Variants in NOSTRIN observed in about 807,000 individuals in gnomAD.
The protein encoded by NOSTRIN is BM247 homolog.
NOSTRIN carries 63 observed loss-of-function variants against 59.0 expected under a neutral mutation model. The observed-to-expected ratio is 1.07, with a 90% CI of 0.87 to 1.32. NOSTRIN has a LOEUF of 1.32. Among genes scored for constraint, NOSTRIN ranks in the 40% most tolerant of loss-of-function variants. The pLI is 0.00. For missense variants in NOSTRIN, 512 were observed against 473.1 expected (o/e 1.08, Z -0.76); for synonymous variants, 200 against 165.4 (o/e 1.21, Z -1.61).
At chr2:168,857,053 G>A (rs766314242) in intron 12 of NOSTRIN, among the ~76,000 whole-genome samples, 7 of 152,138 alleles carry the variant, frequency 4.6e-5, no homozygotes, top group Non-Finnish European at 1.0e-4. Flanking sequence ...TAGAAACCAT[G>A]TGCACTTTAA....
At position 168,828,349 on chromosome 2, in the gene NOSTRIN, C is replaced by T. The variant is rs1041096340; in HGVS notation, c.261-71C>T. Reference sequence around the variant, plus strand: ...TCCATAACACACTATTTTATTTCCCCAGAAAGTAATTTGGAAAGTAGATGT... The same window carrying T: ...TCCATAACACACTATTTTATTTCCCTAGAAAGTAATTTGGAAAGTAGATGT... On this transcript the variant is annotated intron_variant, in intron 4 of 15. Transcript: ENST00000317647. 5 of 863,220 alleles carry T rather than the reference C, an allele frequency of 5.8e-6. No homozygotes were observed. The African/African-American group carries it at 8.2e-5, about 14-fold the overall frequency. 53.5% of individuals were successfully genotyped at this position (863,220 alleles called of 1,614,324 possible).
chr2:168,861,074 T>TG (rs1429282935), intron 14 of NOSTRIN, among the ~76,000 whole-genome samples, 165 bp downstream of exon 14: 2 of 152,166 alleles, frequency 1.3e-5, no homozygotes, highest in Non-Finnish European at 1.5e-5. Context: ...TATGTAAAAA[T>TG]GGGAAAAAGT....
chr2:168,864,380 G>A (rs564184216), intron 15 of NOSTRIN, among the ~76,000 whole-genome samples: 9 of 151,872 alleles, frequency 5.9e-5, no homozygotes, highest in East Asian at 3.9e-4. Context: ...TCTGCCTCCC[G>A]GGTTCAAGGA....
At chr2:168,796,402 G>T (rs1685481159), upstream of NOSTRIN, among the ~76,000 whole-genome samples, 3 of 152,226 alleles carry the variant, frequency 2.0e-5, no homozygotes. Flanking sequence ...GACCCCAGCA[G>T]CTTGGCTAAG....
At chr2:168,836,563 G>A (rs972658650) in intron 7 of NOSTRIN, among the ~76,000 whole-genome samples, 3 of 152,156 alleles carry the variant, frequency 2.0e-5, no homozygotes, top group African/African-American at 7.2e-5. Context: ...GCTCTGTGCT[G>A]CTCAGCAAAT....
chr2:168,824,559 A>T (rs374784197), intron 2 of NOSTRIN, 75 bp from the exon 3 acceptor site: 1 of 783,038 alleles, frequency 1.3e-6, no homozygotes. Flanking sequence ...TTGGCCTCCC[A>T]AAGTGCTGGG....
At chr2:168,810,347 T>C (rs1332963933) in intron 1 of NOSTRIN, among the ~76,000 whole-genome samples, 3 of 152,210 alleles carry the variant, frequency 2.0e-5, no homozygotes, top group African/African-American at 7.2e-5. Flanking sequence ...ATCCTAGGCG[T>C]TGGTTTGTTC....
intron 15 of NOSTRIN, among the ~76,000 whole-genome samples, chr2:168,864,312 G>A (rs575879829): frequency 9.5e-5 from 14 of 148,096 alleles, no homozygotes; most frequent in Admixed American, 6.8e-4. Context: ...ACAGAGTCTT[G>A]CCCTGTTGCT....
Position 168,841,293 on chromosome 2 carries a change from A to AATAT in NOSTRIN, c.505-1689_505-1686dup, listed in dbSNP as rs10536098. ...AAAAAGAAAGATATTGAATGCTTTA[A>AATAT]ATATATATATATAAAGTTGGAGAAT... On this transcript the variant is annotated intron_variant, in intron 7 of 15. Transcript: ENST00000317647. Among the ~76,000 whole-genome samples the AATAT allele has an allele frequency of 3.6e-3, 542 of 148,632 alleles. 3 individuals are homozygous for AATAT. Among genetic ancestry groups the AATAT allele is most frequent in the African/African-American group, 0.012 (495 of 40,092 alleles).
Position 168,860,807 on chromosome 2 carries a change from A to G in NOSTRIN, c.1192A>G (p.Ser398Gly). Reference sequence around the variant, plus strand: ...GTCATTTGAACAGGAGCATACTCATAGCTATGTGAAAATATCTCGGCCTTT... The same window carrying G: ...GTCATTTGAACAGGAGCATACTCATGGCTATGTGAAAATATCTCGGCCTTT... Reference protein sequence around the residue: ...FRWREKEHTHSYVKISRPFLM... With the variant: ...FRWREKEHTHGYVKISRPFLM... Residue 398 changes from serine (S) to glycine (G), a missense_variant, in exon 14 of 16, where the codon AGC (serine) becomes GGC (glycine). Coordinates refer to ENST00000317647, the MANE Select transcript of NOSTRIN (RefSeq NM_001039724.4). 6.2e-7 allele frequency: 1 copy of G among 1,606,210 alleles called. No individual in the cohort carries two copies. Among genetic ancestry groups the G allele is most frequent in the Non-Finnish European group, 8.5e-7 (1 of 1,172,732 alleles).
Position 168,865,147 on chromosome 2 carries a change from T to C in NOSTRIN, c.*177T>C, listed in dbSNP as rs1312434125. 1.9e-5 allele frequency: 13 copies of C among 681,332 alleles called. No individual in the cohort carries two copies. The highest frequency in any genetic ancestry group is 2.9e-5 in the Non-Finnish European group (12 of 418,628). The allele number at this position is 681,332 out of a possible 1,614,324, so 42.2% of individuals were successfully genotyped here. A position where few individuals can be genotyped will look rare whatever the true frequency, so the allele number is the denominator to read the frequency against. On this transcript the variant is annotated 3_prime_UTR_variant, in exon 16 of 16. Coordinates refer to ENST00000317647, the MANE Select transcript of NOSTRIN (RefSeq NM_001039724.4). ...TAGCTTGAAACAGTCAGAAAAAAGA[T>C]GGATGGGTGGAGACAGACAAGGAAG...
At chr2:168,795,658 C>T (rs764492923), upstream of NOSTRIN, among the ~76,000 whole-genome samples, 10 of 152,082 alleles carry the variant, frequency 6.6e-5, no homozygotes, top group Non-Finnish European at 1.3e-4. Context: ...GACAGTTTTG[C>T]ATGTATATAA....
At chr2:168,824,393 T>C (rs901770743) in intron 2 of NOSTRIN, among the ~76,000 whole-genome samples, 3 of 151,882 alleles carry the variant, frequency 2.0e-5, no homozygotes, top group African/African-American at 7.3e-5. Context: ...CCTCTTCCCA[T>C]GCTCAAGCGA....
At chr2:168,845,481 A>AT (rs1688357780) in intron 8 of NOSTRIN, among the ~76,000 whole-genome samples, 2 of 152,224 alleles carry the variant, frequency 1.3e-5, no homozygotes, top group Non-Finnish European at 2.9e-5. Context: ...GGTGTAGCTG[A>AT]TAACTAGCTT....
At chr2:168,794,721 CTCAGTCTCA>C (rs1685439050), upstream of NOSTRIN, among the ~76,000 whole-genome samples, 1 of 152,066 alleles carries the variant, frequency 6.6e-6, no homozygotes, top group Admixed American at 6.6e-5. Context: ...ACAGGGTGCC[CTCAGTCTCA>C]GGGGTGTAAA....
chr2:168,792,513 G>A (rs1164039285), intron 2 of NOSTRIN, among the ~76,000 whole-genome samples: 3 of 152,020 alleles, frequency 2.0e-5, no homozygotes, highest in Admixed American at 6.6e-5. Context: ...GCAGTGGTGC[G>A]ATCTTGACTC....
chr2:168,818,344 A>G (rs1450251781), intron 2 of NOSTRIN: 16 of 266,486 alleles, frequency 6.0e-5, no homozygotes, highest in Non-Finnish European at 1.0e-4. Context: ...TTTTGTAGAA[A>G]TGGGATCTTG....
intron 7 of NOSTRIN, among the ~76,000 whole-genome samples, chr2:168,842,754 A>G (rs147919312): frequency 0.014 from 2,059 of 152,234 alleles, 20 homozygotes; most frequent in Non-Finnish European, 0.021. Context: ...AAGGGTCTCA[A>G]TCTCCTCATG....
intron 12 of NOSTRIN, among the ~76,000 whole-genome samples, chr2:168,857,498 G>A (rs557468012): frequency 1.3e-5 from 2 of 152,284 alleles, no homozygotes; most frequent in Admixed American, 1.3e-4. Flanking sequence ...TGGGCCTCCT[G>A]GCCTTTGTGC....
Sources: gnomAD v4.1 joint callset for allele counts (sites outside exome capture counted in the v4.1 genomes callset) on GRCh38, gnomAD v4.1.1 for gene constraint, MANE v1.5 for transcripts, NCBI Gene and HGNC (gene_info 2026-07-23, HGNC 2026-07-21) for gene names.